The following PDIA3 variants were observed in gnomAD, a reference collection of about 807,000 sequenced individuals.
PDIA3 encodes the protein protein disulfide isomerase family A member 3, also known as protein disulfide-isomerase A3.
A neutral mutation model predicts 56.9 loss-of-function variants in PDIA3; 16 were observed. That is an observed-to-expected ratio of 0.28 (90% CI 0.19 to 0.43). PDIA3 has a LOEUF of 0.43. PDIA3 is among the 20% of genes least tolerant of loss of function. The pLI is 1.00. For synonymous variants in PDIA3, 192 were observed against 216.5 expected, an observed-to-expected ratio of 0.89 and a Z score of 0.99; for missense variants, 485 against 621.3, an observed-to-expected ratio of 0.78 and a Z score of 2.33.
intron 5 of PDIA3, among the ~76,000 whole-genome samples, chr15:43,764,186 A>C (rs902483623): frequency 6.6e-6 from 1 of 152,176 alleles, no homozygotes. Context: ...CTGATCTTTC[A>C]CAAAAACAAT....
At chr15:43,759,563 C>A (rs908373943) in intron 3 of PDIA3, among the ~76,000 whole-genome samples, 7 of 151,498 alleles carry the variant, frequency 4.6e-5, no homozygotes, top group African/African-American at 1.7e-4. Context: ...TATTGTATAC[C>A]CAAAAGAAGA....
In PDIA3 at chr15:43,773,199, G is replaced by T. The variant is rs751833360; in HGVS notation, c.*1981G>T. 2 of 1,613,832 alleles carry T rather than the reference G, an allele frequency of 1.2e-6. No homozygotes were observed. Among genetic ancestry groups the T allele is most frequent in the Non-Finnish European group, 1.7e-6 (2 of 1,179,956 alleles). On this transcript the variant is annotated 3_prime_UTR_variant, in exon 13 of 13. Coordinates refer to ENST00000300289, the MANE Select transcript of PDIA3 (RefSeq NM_005313.5). ...TTCTGGTGAAGGTACTCACAGCGAC[G>T]CTTTTCTTCTCTGTAACTTGGGTAC...
At chr15:43,759,672 G>A (rs1346102954) in intron 3 of PDIA3, among the ~76,000 whole-genome samples, 1 of 152,112 alleles carries the variant, frequency 6.6e-6, no homozygotes, top group Non-Finnish European at 1.5e-5. Context: ...AACAAAATAC[G>A]GTATATGCAT....
In PDIA3 at chr15:43,771,114, G is replaced by A. The variant is rs1243957869; in HGVS notation, c.1414G>A (p.Glu472Lys). Residue 472 changes from glutamate (E) to lysine (K), a missense_variant, in exon 13 of 13, where the codon GAA becomes AAA. Transcript: ENST00000300289. The part of the protein sequence containing the change: ...LNPKKYEGGR[E>K]LSDFISYLQR... The stretch of plus-strand genomic sequence containing the variant: ...ATCTTTCTGTTTTCAGGGTGGCCGT[G>A]AATTAAGTGATTTTATTAGCTATCT... 6.2e-7 allele frequency: 1 copy of A among 1,610,870 alleles called. No individual in the cohort carries two copies. Among genetic ancestry groups the A allele is most frequent in the Non-Finnish European group, 8.5e-7 (1 of 1,177,762 alleles).
rs549167829 is a variant in PDIA3 at position 43,748,702 on chromosome 15, TAAAG to T, written c.167+1999_167+2002del. Among the ~76,000 whole-genome samples the T allele has an allele frequency of 6.3e-3, 966 of 152,180 alleles. 13 individuals are homozygous for T. Among genetic ancestry groups the T allele is most frequent in the African/African-American group, 0.022 (926 of 41,514 alleles). On this transcript the variant is annotated intron_variant, in intron 1 of 12. Transcript: ENST00000300289. ...GTTTTCTGAATGAGCAATTTGGAGT[TAAAG>T]AAGTCTCCTGTTGAGGTCTTTATTT...
intron 8 of PDIA3, 29 bp downstream of exon 8, chr15:43,766,939 C>T (rs1406899674): frequency 6.3e-7 from 1 of 1,598,130 alleles, no homozygotes; most frequent in Non-Finnish European, 8.6e-7. Flanking sequence ...TTTGATTCTC[C>T]AAGGCAATTA....
chr15:43,767,161 C>T (rs867521142), intron 8 of PDIA3, among the ~76,000 whole-genome samples: 2 of 151,502 alleles, frequency 1.3e-5, no homozygotes, highest in Non-Finnish European at 2.9e-5. Flanking sequence ...ACCAGCCTGA[C>T]CAACATAGAG....
intron 1 of PDIA3, among the ~76,000 whole-genome samples, chr15:43,752,564 C>T (rs1338832774): frequency 6.6e-6 from 1 of 152,134 alleles, no homozygotes; most frequent in Non-Finnish European, 1.5e-5. Flanking sequence ...GCCCCTTTAC[C>T]ATCTTATACA....
At chr15:43,765,399 G>T in intron 5 of PDIA3, 51 bp from the exon 6 acceptor site, 1 of 998,786 alleles carries the variant, frequency 1.0e-6, no homozygotes. Flanking sequence ...AAAGATGGGA[G>T]ACAGTTCTTC....
At chr15:43,749,427 T>C (rs2086729645) in intron 1 of PDIA3, among the ~76,000 whole-genome samples, 1 of 152,214 alleles carries the variant, frequency 6.6e-6, no homozygotes, top group Admixed American at 6.5e-5. Context: ...CTGGAAATGT[T>C]TTCTGACTGC....
intron 5 of PDIA3, 74 bp from the exon 6 acceptor site, chr15:43,765,376 A>T: frequency 1.2e-6 from 1 of 853,260 alleles, no homozygotes; most frequent in Non-Finnish European, 2.0e-6. Context: ...GCGAAACCCT[A>T]TCTCAAAAAA....
At chr15:43,770,377 T>G (rs758243040) in intron 11 of PDIA3, 48 bp downstream of exon 11, 56 of 1,496,638 alleles carry the variant, frequency 3.7e-5, no homozygotes, top group Non-Finnish European at 4.5e-5. Flanking sequence ...TAGATAGGAA[T>G]AAAGCTTGTA....
At chr15:43,764,131 T>G (rs939298594) in intron 5 of PDIA3, among the ~76,000 whole-genome samples, 1 of 152,242 alleles carries the variant, frequency 6.6e-6, no homozygotes, top group Non-Finnish European at 1.5e-5. Flanking sequence ...ATACTAAGCT[T>G]GTGGGAGTTA....
At chr15:43,767,031 G>A (rs577383069) in intron 8 of PDIA3, 121 bp downstream of exon 8, 3 of 892,918 alleles carry the variant, frequency 3.4e-6, no homozygotes, top group South Asian at 3.1e-5. Context: ...CAAGACCTAT[G>A]ACTGTCATTT....
At chr15:43,751,545 A>G in intron 1 of PDIA3, 1 of 1,264,124 alleles carries the variant, frequency 7.9e-7, no homozygotes, top group Non-Finnish European at 1.0e-6. Flanking sequence ...TGAAGGATGT[A>G]TGTTAACCAA....
chr15:43,753,077 G>T (rs1428596591), intron 1 of PDIA3: 3 of 340,000 alleles, frequency 8.8e-6, no homozygotes, highest in African/African-American at 6.4e-5. Flanking sequence ...TCACAATTTT[G>T]TGTCCCCACC....
chr15:43,757,970 C>T (rs999602708), intron 3 of PDIA3, among the ~76,000 whole-genome samples: 6 of 151,216 alleles, frequency 4.0e-5, no homozygotes, highest in Non-Finnish European at 4.4e-5. Context: ...ATAGGCCGGG[C>T]GCGGTGGCTC....
Position 43,746,630 on chromosome 15 carries a change from A to G in PDIA3, c.91A>G (p.Thr31Ala). The change falls in exon 1 of 13, where the codon ACG becomes GCG. Residue 31 changes from threonine (T) to alanine (A), a missense_variant. Transcript: ENST00000300289. ...CGCTGCCTCCGACGTGCTAGAACTC[A>G]CGGACGACAACTTCGAGAGTCGCAT... ...LAAASDVLEL[T>A]DDNFESRISD... is the part of the protein sequence containing the mutation. The G allele has an allele frequency of 1.2e-6, 2 of 1,612,860 alleles. No homozygotes were observed. Among genetic ancestry groups the G allele is most frequent in the East Asian group, 2.2e-5 (1 of 44,858 alleles).
rs112260455 is a variant in PDIA3 at position 43,766,740 on chromosome 15, G to A, written c.858G>A (p.Val286=). Residue 286 remains valine (V), a synonymous_variant, in exon 8 of 13, where the codon GTG becomes GTA. Coordinates refer to ENST00000300289, the MANE Select transcript of PDIA3 (RefSeq NM_005313.5). The stretch of plus-strand genomic sequence containing the variant: ...TTGTTTCCCACAGGGTAATGATGGT[G>A]GCAAAGAAATTCCTGGATGCTGGGC... ...SNYWRNRVMM[V]AKKFLDAGHK... 6.1e-4 allele frequency: 989 copies of A among 1,613,760 alleles called. 5 individuals are homozygous for A. The African/African-American group carries it at 0.011, about 18-fold the overall frequency.
Sources: gnomAD v4.1 joint callset for allele counts (sites outside exome capture counted in the v4.1 genomes callset) on GRCh38, gnomAD v4.1.1 for gene constraint, MANE v1.5 for transcripts, NCBI Gene and HGNC (gene_info 2026-07-23, HGNC 2026-07-21) for gene names.